The following MACROD2 variants were observed in gnomAD, a reference collection of about 807,000 sequenced individuals.
The protein encoded by MACROD2 is ADP-ribose glycohydrolase MACROD2.
MACROD2 carries 36 observed loss-of-function variants against 70.4 expected under a neutral mutation model. The ratio of observed to expected loss-of-function variants is 0.51; its 90% CI spans 0.39 to 0.68. MACROD2 has a LOEUF of 0.68. MACROD2 is among the 30% of genes least tolerant of loss of function. The probability of loss-of-function intolerance (pLI) is 0.00; values close to 1 mark genes in which losing one functional copy is unlikely to be tolerated. For missense variants in MACROD2, 496 were observed against 538.4 expected, an observed-to-expected ratio of 0.92 and a Z score of 0.78; for synonymous variants, 172 against 178.8, an observed-to-expected ratio of 0.96 and a Z score of 0.30.
intron 15 of MACROD2, among the ~76,000 whole-genome samples, chr20:16,019,852 G>C (rs906666281): frequency 6.6e-6 from 1 of 152,114 alleles, no homozygotes; most frequent in African/African-American, 2.4e-5. Context: ...AGGGCACATA[G>C]AGATCACACA....
intron 4 of MACROD2, among the ~76,000 whole-genome samples, chr20:14,670,827 A>G (rs908499739): frequency 5.3e-5 from 8 of 152,150 alleles, no homozygotes; most frequent in African/African-American, 1.9e-4. Context: ...ACCACACCAT[A>G]GTGTAGTCAG....
chr20:14,044,514 A>C (rs944793519), intron 2 of MACROD2, among the ~76,000 whole-genome samples: 1 of 151,882 alleles, frequency 6.6e-6, no homozygotes, highest in Non-Finnish European at 1.5e-5. Flanking sequence ...TTTTACAGAG[A>C]GCTGATTGGT....
chr20:15,488,815 C>T (rs1285853167), intron 7 of MACROD2, among the ~76,000 whole-genome samples: 5 of 152,154 alleles, frequency 3.3e-5, no homozygotes, highest in Non-Finnish European at 7.4e-5. Context: ...TTTCTAAAAA[C>T]CCTATTCCAG....
intron 5 of MACROD2, among the ~76,000 whole-genome samples, chr20:15,123,083 C>T (rs1010797188): frequency 9.2e-5 from 14 of 152,032 alleles, no homozygotes; most frequent in African/African-American, 3.1e-4. Flanking sequence ...TTTTCAGTAG[C>T]GATAACTACT....
intron 3 of MACROD2, among the ~76,000 whole-genome samples, chr20:14,445,871 A>G (rs1374984383): frequency 1.3e-5 from 2 of 152,154 alleles, no homozygotes; most frequent in Non-Finnish European, 2.9e-5. Flanking sequence ...TCCAACAGTC[A>G]TTTCTGATCA....
At chr20:14,483,962 T>A (rs2084691777) in intron 3 of MACROD2, among the ~76,000 whole-genome samples, 1 of 152,210 alleles carries the variant, frequency 6.6e-6, no homozygotes, top group Admixed American at 6.5e-5. Flanking sequence ...ATATATTTGA[T>A]ATCTGTCAGA....
At chr20:14,549,361 A>T (rs60566235) in intron 4 of MACROD2, among the ~76,000 whole-genome samples, 1 of 152,164 alleles carries the variant, frequency 6.6e-6, no homozygotes, top group African/African-American at 2.4e-5. Context: ...TAGACCTAAG[A>T]ATAAATACTG....
At chr20:15,480,849 C>A (rs2047087649) in intron 7 of MACROD2, among the ~76,000 whole-genome samples, 1 of 152,150 alleles carries the variant, frequency 6.6e-6, no homozygotes, top group East Asian at 1.9e-4. Context: ...GAAGCCTGTA[C>A]TTCCCAGCTC....
intron 2 of MACROD2, among the ~76,000 whole-genome samples, chr20:14,080,402 C>T (rs1028688592): frequency 7.6e-6 from 1 of 131,380 alleles, no homozygotes; most frequent in Non-Finnish European, 1.5e-5. Context: ...GAGATCGTGC[C>T]ACTGCACTAC....
At chr20:15,587,905 T>G (rs1412058912) in intron 8 of MACROD2, among the ~76,000 whole-genome samples, 2 of 152,160 alleles carry the variant, frequency 1.3e-5, no homozygotes, top group Non-Finnish European at 2.9e-5. Context: ...TGTCAGTGGA[T>G]CTACCATTCT....
At chr20:14,277,229 C>T (rs572145332) in intron 3 of MACROD2, among the ~76,000 whole-genome samples, 74 of 152,142 alleles carry the variant, frequency 4.9e-4, no homozygotes, top group African/African-American at 1.7e-3. Context: ...GGGGGCGGAT[C>T]GTGAGTTCAG....
At chr20:14,711,130 A>G (rs1237323450) in intron 5 of MACROD2, among the ~76,000 whole-genome samples, 1 of 152,206 alleles carries the variant, frequency 6.6e-6, no homozygotes, top group African/African-American at 2.4e-5. Flanking sequence ...TTGTGCTCTA[A>G]AGATTGAGAA....
At chr20:14,263,270 A>G (rs1466221754) in intron 3 of MACROD2, among the ~76,000 whole-genome samples, 1 of 152,230 alleles carries the variant, frequency 6.6e-6, no homozygotes, top group Admixed American at 6.5e-5. Flanking sequence ...TTAATAGGTC[A>G]TGGAAGAATT....
chr20:14,942,485 C>T (rs1267739770), intron 5 of MACROD2, among the ~76,000 whole-genome samples: 1 of 151,914 alleles, frequency 6.6e-6, no homozygotes, highest in African/African-American at 2.4e-5. Flanking sequence ...TGGGTGTGCT[C>T]CACGGTGTAT....
intron 7 of MACROD2, among the ~76,000 whole-genome samples, chr20:15,456,692 A>G (rs2046731208): frequency 6.6e-6 from 1 of 152,166 alleles, no homozygotes; most frequent in Non-Finnish European, 1.5e-5. Context: ...TCCCTAGAGC[A>G]GTAGTTTTCA....
At chr20:16,030,497 C>A (rs1477892498) in intron 15 of MACROD2, among the ~76,000 whole-genome samples, 1 of 152,168 alleles carries the variant, frequency 6.6e-6, no homozygotes, top group Admixed American at 6.5e-5. Flanking sequence ...AGCAAGTGAG[C>A]ATGCAACCCA....
intron 3 of MACROD2, among the ~76,000 whole-genome samples, chr20:14,143,602 T>C (rs2054905380): frequency 6.6e-6 from 1 of 152,126 alleles, no homozygotes; most frequent in Non-Finnish European, 1.5e-5. Flanking sequence ...GTTTATTTCA[T>C]TGTAAAGACA....
chr20:15,128,629 T>C (rs905129033), intron 5 of MACROD2, among the ~76,000 whole-genome samples: 11 of 152,200 alleles, frequency 7.2e-5, no homozygotes, highest in African/African-American at 2.6e-4. Context: ...TTGGGTTACA[T>C]ATAAGAATTA....
At chr20:15,488,545 G>T (rs62193935) in intron 7 of MACROD2, among the ~76,000 whole-genome samples, 5 of 152,164 alleles carry the variant, frequency 3.3e-5, no homozygotes, top group African/African-American at 1.2e-4. Context: ...AATCCAAGGT[G>T]AGGAGTTTAG....
Sources: allele counts gnomAD v4.1 joint callset (sites outside exome capture counted in the v4.1 genomes callset), GRCh38; gene constraint gnomAD v4.1.1; transcripts MANE v1.5; gene names NCBI Gene and HGNC (gene_info 2026-07-23, HGNC 2026-07-21).